PDE4D: variants seen among roughly 807,000 people sequenced by gnomAD.
PDE4D encodes phosphodiesterase 4D.
Under a neutral mutation model 87.4 loss-of-function variants are expected in PDE4D, and 24 were observed. That is an observed-to-expected ratio of 0.27 (90% confidence interval 0.20 to 0.39). The LOEUF (loss-of-function observed/expected upper bound fraction) is 0.39. Among genes scored for constraint, PDE4D ranks in the 10% least tolerant of loss-of-function variants. The pLI is 1.00. For synonymous variants in PDE4D, 384 were observed against 383.2 expected, an observed-to-expected ratio of 1.00 and a Z score of -0.02; for missense variants, 714 against 1,041.0, an observed-to-expected ratio of 0.69 and a Z score of 4.32.
chr5:59,067,599 G>A (rs776632192), intron 5 of PDE4D, among the ~76,000 whole-genome samples: 23 of 152,036 alleles, frequency 1.5e-4, no homozygotes, highest in African/African-American at 3.1e-4. Flanking sequence ...CAAACAGATC[G>A]GATTCATATG....
chr5:59,265,810 T>A (rs1474281513), intron 1 of PDE4D, among the ~76,000 whole-genome samples: 1 of 152,072 alleles, frequency 6.6e-6, no homozygotes, highest in African/African-American at 2.4e-5. Context: ...ATCATGAGGA[T>A]CTAATGAGAT....
chr5:59,389,123 G>C (rs1206284720), intron 1 of PDE4D, among the ~76,000 whole-genome samples: 1 of 151,994 alleles, frequency 6.6e-6, no homozygotes, highest in Non-Finnish European at 1.5e-5. Context: ...TTTTTCAAGA[G>C]AGATTTGATC....
rs79686275 is a variant in PDE4D at position 59,753,442 on chromosome 5, T to C, written c.455+139726A>G. ...ATCAAAAAGGGGGGCACAGTAAGCTTGGTTTTGTGCGTGTTAAATATAAAT... is the reference window on the plus strand; with the variant it reads ...ATCAAAAAGGGGGGCACAGTAAGCTCGGTTTTGTGCGTGTTAAATATAAAT... On this transcript the variant is annotated intron_variant, in intron 1 of 14. Coordinates refer to ENST00000340635, the MANE Select transcript of PDE4D (RefSeq NM_001104631.2). Among the ~76,000 whole-genome samples, 246 of 152,214 alleles carry C rather than the reference T, an allele frequency of 1.6e-3. 4 individuals are homozygous for C. The East Asian group carries it at 0.041, about 25-fold the overall frequency.
chr5:60,046,781 G>A (rs1451115128), intron 2 of PDE4D, among the ~76,000 whole-genome samples: 2 of 152,136 alleles, frequency 1.3e-5, no homozygotes, highest in Non-Finnish European at 2.9e-5. Context: ...GTATTTTATT[G>A]AGGATTTTTG....
chr5:59,156,928 AG>A, intron 5 of PDE4D: 1 of 165,546 alleles, frequency 6.0e-6, no homozygotes, highest in South Asian at 1.8e-4. Flanking sequence ...GTAAGCAAAA[AG>A]CTTTGATCTT....
chr5:59,939,951 T>C (rs141543108), intron 3 of PDE4D, among the ~76,000 whole-genome samples: 9 of 152,190 alleles, frequency 5.9e-5, no homozygotes, highest in African/African-American at 2.2e-4. Flanking sequence ...TTCTTTGGTA[T>C]GATCAGAGAA....
chr5:60,045,342 G>T (rs1168428776), intron 2 of PDE4D, among the ~76,000 whole-genome samples: 1 of 152,026 alleles, frequency 6.6e-6, no homozygotes, highest in Non-Finnish European at 1.5e-5. Flanking sequence ...AGTTTCTTTT[G>T]CTGTGCAGAA....
intron 1 of PDE4D, among the ~76,000 whole-genome samples, chr5:60,390,087 T>C (rs984560993): frequency 2.6e-4 from 40 of 152,240 alleles, no homozygotes; most frequent in African/African-American, 9.6e-4. Flanking sequence ...TGCAGCCTAC[T>C]GCTGCCAATT....
At chr5:59,350,876 G>A (rs1780420865) in intron 1 of PDE4D, among the ~76,000 whole-genome samples, 1 of 152,190 alleles carries the variant, frequency 6.6e-6, no homozygotes, top group South Asian at 2.1e-4. Flanking sequence ...CAGTGTGGCT[G>A]TAGAGCTAGC....
At chr5:58,989,475 AAGTG>A (rs559039908) in intron 10 of PDE4D, among the ~76,000 whole-genome samples, 78 of 152,134 alleles carry the variant, frequency 5.1e-4, no homozygotes, top group Non-Finnish European at 1.1e-3. Context: ...AATGAACAAA[AAGTG>A]AGTAAGCCAG....
chr5:60,105,127 G>A (rs1359810253), intron 2 of PDE4D, among the ~76,000 whole-genome samples: 4 of 152,150 alleles, frequency 2.6e-5, no homozygotes, highest in Non-Finnish European at 4.4e-5. Flanking sequence ...AAATTTAGAC[G>A]AACGTATAGC....
intron 1 of PDE4D, among the ~76,000 whole-genome samples, chr5:59,620,042 C>T (rs1389303849): frequency 6.6e-6 from 1 of 152,084 alleles, no homozygotes; most frequent in African/African-American, 2.4e-5. Flanking sequence ...AGGAGCAAGT[C>T]AACTGAAAAG....
At chr5:60,415,184 G>A (rs1742382512) in intron 1 of PDE4D, among the ~76,000 whole-genome samples, 1 of 152,242 alleles carries the variant, frequency 6.6e-6, no homozygotes, top group African/African-American at 2.4e-5. Context: ...ATCTGATCAG[G>A]CTATGAGACA....
In PDE4D at chr5:59,244,165, C is replaced by T. The variant is rs144688209; in HGVS notation, c.456-28197G>A. Among the ~76,000 whole-genome samples the T allele has an allele frequency of 2.4e-3, 371 of 151,924 alleles. 2 individuals carry two copies. Among genetic ancestry groups the T allele is most frequent in the African/African-American group, 8.5e-3 (351 of 41,472 alleles). On this transcript the variant is annotated intron_variant, in intron 1 of 14. Coordinates refer to ENST00000340635, the MANE Select transcript of PDE4D (RefSeq NM_001104631.2). Reference sequence around the variant, plus strand: ...TATATACAGGCTGGGCATGTTGGCTCATGCTTGTAATCCCAGCACTTCAGG... The same window carrying T: ...TATATACAGGCTGGGCATGTTGGCTTATGCTTGTAATCCCAGCACTTCAGG...
At chr5:59,724,886 T>C (rs1330241927) in intron 1 of PDE4D, among the ~76,000 whole-genome samples, 2 of 152,152 alleles carry the variant, frequency 1.3e-5, no homozygotes, top group African/African-American at 4.8e-5. Flanking sequence ...TAAATTGCCA[T>C]TTATGACTAG....
At chr5:59,084,599 A>G (rs1767342012) in intron 5 of PDE4D, among the ~76,000 whole-genome samples, 1 of 151,994 alleles carries the variant, frequency 6.6e-6, no homozygotes, top group African/African-American at 2.4e-5. Flanking sequence ...TCTAAAATCA[A>G]TAAGAGGCCA....
intron 1 of PDE4D, among the ~76,000 whole-genome samples, chr5:60,359,980 A>C (rs1759922515): frequency 6.6e-6 from 1 of 152,222 alleles, no homozygotes; most frequent in Non-Finnish European, 1.5e-5. Context: ...TGCAAGTTGC[A>C]GCACTGTGCC....
Position 59,379,126 on chromosome 5 carries a change from A to G in PDE4D, c.456-163158T>C, listed in dbSNP as rs1218385603. ...GGTCTTCACTGCCTAGTGCACGGCAACTAAGCCACAACACCCAAACCTGAG... is the reference window on the plus strand; with the variant it reads ...GGTCTTCACTGCCTAGTGCACGGCAGCTAAGCCACAACACCCAAACCTGAG... On this transcript the variant is annotated intron_variant, in intron 1 of 14. Transcript: ENST00000340635. 3.9e-5 allele frequency among the ~76,000 whole-genome samples: 6 copies of G among 152,146 alleles called. 1 individual carries two copies. The highest frequency in any genetic ancestry group is 2.6e-4 in the Admixed American group (4 of 15,272).
chr5:59,729,957 C>T (rs1344880046), intron 1 of PDE4D, among the ~76,000 whole-genome samples: 1 of 151,954 alleles, frequency 6.6e-6, no homozygotes, highest in Non-Finnish European at 1.5e-5. Flanking sequence ...GAATAGAAAC[C>T]TAATTGTGAG....
Sources: allele counts gnomAD v4.1 joint callset (sites outside exome capture counted in the v4.1 genomes callset), GRCh38; gene constraint gnomAD v4.1.1; transcripts MANE v1.5; gene names NCBI Gene and HGNC (gene_info 2026-07-23, HGNC 2026-07-21).